Variants in FUT8 observed in about 807,000 individuals in gnomAD.
The protein encoded by FUT8 is fucosyltransferase 8, also known as alpha-(1,6)-fucosyltransferase.
A neutral mutation model predicts 71.3 loss-of-function variants in FUT8; 29 were observed. The ratio of observed to expected loss-of-function variants is 0.41; its 90% confidence interval spans 0.30 to 0.55. The LOEUF is 0.55. Among genes scored for constraint, FUT8 ranks in the 20% least tolerant of loss-of-function variants. The pLI is 0.34. For synonymous variants in FUT8, 254 were observed against 239.3 expected (o/e 1.06, Z -0.57); for missense variants, 544 against 702.1 (o/e 0.77, Z 2.55).
chr14:65,503,779 A>G (rs887718313), intron 2 of FUT8, among the ~76,000 whole-genome samples: 1 of 152,174 alleles, frequency 6.6e-6, no homozygotes, highest in Non-Finnish European at 1.5e-5. Flanking sequence ...TAGACAGATA[A>G]TGTGTCTCAC....
intron 2 of FUT8, among the ~76,000 whole-genome samples, chr14:65,506,509 T>C (rs367784865): frequency 2.0e-5 from 3 of 152,354 alleles, no homozygotes; most frequent in East Asian, 1.9e-4. Context: ...TAGGAAGAAC[T>C]ATAAAACTTA....
intron 7 of FUT8, among the ~76,000 whole-genome samples, chr14:65,720,022 C>G (rs1015909189): frequency 1.3e-5 from 2 of 152,338 alleles, no homozygotes; most frequent in African/African-American, 4.8e-5. Context: ...CAAAGCCAGT[C>G]AGGCTTTTAT....
At position 65,702,345 on chromosome 14, in the gene FUT8, CA is replaced by C. The variant is rs71989314; in HGVS notation, c.836-19415del. On this transcript the variant is annotated intron_variant, in intron 7 of 10. Transcript: ENST00000673929. ...GGGCAGCAAGAACAAAACTCCATCTCAAAAAAAAAAAAAAAGGGAACAAGAA... is the reference window on the plus strand; with the variant it reads ...GGGCAGCAAGAACAAAACTCCATCTCAAAAAAAAAAAAAAGGGAACAAGAA... Among the ~76,000 whole-genome samples, 472 of 134,888 alleles carry C rather than the reference CA, an allele frequency of 3.5e-3. 2 individuals carry two copies. Among genetic ancestry groups the C allele is most frequent in the Non-Finnish European group, 5.9e-3 (379 of 63,842 alleles). The allele number at this position is 134,888 out of a possible 152,430, so 88.5% of individuals were successfully genotyped here.
intron 2 of FUT8, among the ~76,000 whole-genome samples, chr14:65,462,917 A>T (rs546837135): frequency 6.6e-6 from 1 of 152,348 alleles, no homozygotes; most frequent in South Asian, 2.1e-4. Flanking sequence ...AAAACCATAT[A>T]CCAGGGGGAG....
intron 6 of FUT8, among the ~76,000 whole-genome samples, chr14:65,649,036 T>C (rs965150172): frequency 6.6e-6 from 1 of 152,254 alleles, no homozygotes; most frequent in Non-Finnish European, 1.5e-5. Flanking sequence ...AACTATTCCA[T>C]GTATTTTCCG....
intron 1 of FUT8, among the ~76,000 whole-genome samples, chr14:65,451,710 G>C (rs1363793271): frequency 6.6e-5 from 10 of 152,194 alleles, no homozygotes; most frequent in African/African-American, 1.9e-4. Context: ...GCTGAAAAGG[G>C]GACAGGGTGG....
chr14:65,438,724 C>G (rs1033333040), intron 1 of FUT8, among the ~76,000 whole-genome samples: 1 of 152,184 alleles, frequency 6.6e-6, no homozygotes, highest in African/African-American at 2.4e-5. Flanking sequence ...TCTAAGGCAT[C>G]TTCCCTTCTG....
At chr14:65,579,783 C>T in intron 3 of FUT8, among the ~76,000 whole-genome samples, 1 of 152,074 alleles carries the variant, frequency 6.6e-6, no homozygotes, top group East Asian at 1.9e-4. Flanking sequence ...AAGGTAACAT[C>T]TTGCCAGATC....
At chr14:65,648,058 C>T (rs766444385) in intron 6 of FUT8, among the ~76,000 whole-genome samples, 30 of 152,180 alleles carry the variant, frequency 2.0e-4, no homozygotes, top group Non-Finnish European at 3.7e-4. Flanking sequence ...CAAACTACCA[C>T]CCTTAGGCCA....
chr14:65,605,458 C>G (rs954780266), intron 3 of FUT8, among the ~76,000 whole-genome samples: 7 of 151,786 alleles, frequency 4.6e-5, no homozygotes, highest in African/African-American at 1.7e-4. Context: ...AAGGTGGACC[C>G]TAATCCAATG....
intron 10 of FUT8, among the ~76,000 whole-genome samples, chr14:65,736,041 G>A (rs898762350): frequency 1.3e-5 from 2 of 152,134 alleles, no homozygotes; most frequent in African/African-American, 4.8e-5. Context: ...GAGGCAACCT[G>A]TGCTGTAGAG....
At chr14:65,614,874 C>A (rs1889202064) in intron 3 of FUT8, among the ~76,000 whole-genome samples, 1 of 152,130 alleles carries the variant, frequency 6.6e-6, no homozygotes, top group South Asian at 2.1e-4. Context: ...CTTTGTTTAG[C>A]CTACCACGAA....
At chr14:65,682,064 G>C (rs1893064446) in intron 7 of FUT8, among the ~76,000 whole-genome samples, 1 of 152,214 alleles carries the variant, frequency 6.6e-6, no homozygotes, top group South Asian at 2.1e-4. Context: ...TTTACAGAAA[G>C]TGTTTGCCAG....
In FUT8 at chr14:65,652,298, G is replaced by A. The variant is rs1372607720; in HGVS notation, c.598-16945G>A. Among the ~76,000 whole-genome samples the A allele has an allele frequency of 2.0e-5, 3 of 152,200 alleles. No homozygotes were observed. The highest frequency in any genetic ancestry group is 4.4e-5 in the Non-Finnish European group (3 of 68,040). On this transcript the variant is annotated intron_variant, in intron 6 of 10. Coordinates refer to ENST00000673929, the MANE Select transcript of FUT8 (RefSeq NM_001371533.1). This position sits in a 1 kb window ranked among gnomAD's most constrained non-coding sequence, Gnocchi z 4.0. Reference sequence around the variant, plus strand: ...ACCCTCCCTGTTTTGTATGCCCTCTGCTAGGATGGCTGTGCGATTTGCTCC... The same window carrying A: ...ACCCTCCCTGTTTTGTATGCCCTCTACTAGGATGGCTGTGCGATTTGCTCC...
chr14:65,615,806 T>C (rs1017433060), intron 3 of FUT8, among the ~76,000 whole-genome samples, 172 bp from the exon 4 acceptor site: 16 of 152,254 alleles, frequency 1.1e-4, no homozygotes, highest in African/African-American at 3.6e-4. Context: ...TCATTGTCCA[T>C]TTCACTGGTT....
intron 1 of FUT8, among the ~76,000 whole-genome samples, chr14:65,451,341 G>A (rs757976976): frequency 2.0e-4 from 31 of 152,266 alleles, no homozygotes; most frequent in African/African-American, 7.5e-4. Context: ...GTGCCGGAAC[G>A]GCCGGATGCT....
In FUT8 at chr14:65,583,476, T is replaced by A. The variant is rs1170328215; in HGVS notation, c.203+21710T>A. Reference sequence around the variant, plus strand: ...TCATTGTGAAAGGTATTAGAGATAATATTTTTTGTAGGTCAGGCCACAATC... The same window carrying A: ...TCATTGTGAAAGGTATTAGAGATAAAATTTTTTGTAGGTCAGGCCACAATC... On this transcript the variant is annotated intron_variant, in intron 3 of 10. Coordinates refer to ENST00000673929, the MANE Select transcript of FUT8 (RefSeq NM_001371533.1). Among the ~76,000 whole-genome samples the A allele has an allele frequency of 5.9e-5, 9 of 152,296 alleles. No individual in the cohort carries two copies. In the East Asian group the frequency reaches 1.7e-3, roughly 29 times the overall value.
intron 2 of FUT8, among the ~76,000 whole-genome samples, chr14:65,555,471 A>T (rs1019391836): frequency 6.6e-6 from 1 of 152,056 alleles, no homozygotes; most frequent in African/African-American, 2.4e-5. Context: ...GACTTAAAGG[A>T]TCTCCTATGC....
At chr14:65,624,600 ATG>A (rs1376993594) in intron 5 of FUT8, among the ~76,000 whole-genome samples, 3 of 152,256 alleles carry the variant, frequency 2.0e-5, no homozygotes, top group African/African-American at 7.2e-5. Flanking sequence ...TGTCAATGAA[ATG>A]TAATGCTTTT....
Sources: gnomAD v4.1 joint callset for allele counts (sites outside exome capture counted in the v4.1 genomes callset) on GRCh38, gnomAD v4.1.1 for gene constraint, Gnocchi (gnomAD v3.1) non-coding constraint, MANE v1.5 for transcripts, NCBI Gene and HGNC (gene_info 2026-07-23, HGNC 2026-07-21) for gene names.